Variants in RANBP2 observed in about 807,000 individuals in gnomAD.
RANBP2 encodes RAN binding protein 2, also known as E3 SUMO-protein ligase RanBP2.
Under a neutral mutation model 303.6 loss-of-function variants are expected in RANBP2, and 57 were observed. The ratio of observed to expected loss-of-function variants is 0.19; its 90% CI spans 0.15 to 0.23. RANBP2 has a LOEUF of 0.23. Ranked by LOEUF, RANBP2 falls within the 10% of genes least tolerant of loss-of-function variation. The pLI is 1.00. For synonymous variants in RANBP2, 1,167 were observed against 1,301.5 expected (o/e 0.90, Z 2.23); for missense variants, 3,138 against 3,780.8 (o/e 0.83, Z 4.46).
intron 23 of RANBP2, 142 bp downstream of exon 23, chr2:108,773,188 G>GC: frequency 1.2e-6 from 1 of 834,876 alleles, no homozygotes; most frequent in Non-Finnish European, 1.9e-6. Flanking sequence ...CATGCTCGTG[G>GC]CTCAATGCAG....
At chr2:108,791,498 A>G in the RANBP2 span, 4 of 676,266 alleles carry the variant, frequency 5.9e-6, no homozygotes, top group South Asian at 1.5e-5. Context: ...TGGGTTATCA[A>G]TGATCAGTGA....
chr2:109,107,539 A>G, the RANBP2 span, among the ~76,000 whole-genome samples: 1 of 151,960 alleles, frequency 6.6e-6, no homozygotes, highest in Non-Finnish European at 1.5e-5. Context: ...AATCAAGTCT[A>G]CTTTCCTCTC....
chr2:108,834,288 C>T, the RANBP2 span, among the ~76,000 whole-genome samples: 1 of 151,136 alleles, frequency 6.6e-6, no homozygotes, highest in African/African-American at 2.4e-5. Context: ...TCTCGGCTCA[C>T]TGCAACCTCT....
the RANBP2 span, among the ~76,000 whole-genome samples, chr2:109,497,870 T>A: frequency 6.6e-6 from 1 of 152,254 alleles, no homozygotes; most frequent in African/African-American, 2.4e-5. Context: ...AAACTTGCAT[T>A]CAAAGTCTGA....
the RANBP2 span, among the ~76,000 whole-genome samples, chr2:108,868,888 G>A: frequency 6.6e-6 from 1 of 151,996 alleles, no homozygotes; most frequent in Admixed American, 6.6e-5. Context: ...TCCATGAAGT[G>A]CCTACCTTTT....
the RANBP2 span, chr2:109,667,412 G>C: frequency 2.5e-6 from 1 of 405,762 alleles, no homozygotes; most frequent in Non-Finnish European, 4.5e-6. Context: ...AGTTATTCAC[G>C]GCACTAGAAC....
chr2:109,595,710 G>C, the RANBP2 span, among the ~76,000 whole-genome samples: 1 of 152,234 alleles, frequency 6.6e-6, no homozygotes, highest in Non-Finnish European at 1.5e-5. Flanking sequence ...TACAGTAAGT[G>C]TAAGAATTTG....
At chr2:108,824,767 T>G in the RANBP2 span, among the ~76,000 whole-genome samples, 1 of 152,330 alleles carries the variant, frequency 6.6e-6, no homozygotes, top group Middle Eastern at 3.4e-3. Context: ...CACAGTAGTT[T>G]TTTTTTTACA....
At chr2:109,011,557 C>T in the RANBP2 span, among the ~76,000 whole-genome samples, 3,694 of 152,130 alleles carry the variant, frequency 0.024, 186 homozygotes, top group African/African-American at 0.083. Context: ...TTGTGTTGGG[C>T]GCTCAGTGGG....
At chr2:109,112,086 T>G in the RANBP2 span, among the ~76,000 whole-genome samples, 2 of 151,872 alleles carry the variant, frequency 1.3e-5, no homozygotes, top group Non-Finnish European at 2.9e-5. Flanking sequence ...AGTGCCGCAA[T>G]AAACATACGT....
chr2:109,483,265 G>A, the RANBP2 span, among the ~76,000 whole-genome samples: 4 of 152,286 alleles, frequency 2.6e-5, no homozygotes, highest in South Asian at 2.1e-4. Flanking sequence ...CTTGCAACCC[G>A]AGAGCCAGAC....
chr2:109,008,669 G>A, the RANBP2 span, among the ~76,000 whole-genome samples: 4 of 151,480 alleles, frequency 2.6e-5, no homozygotes, highest in South Asian at 6.3e-4. Flanking sequence ...TTGAGAGGCC[G>A]AGATGGGCGG....
chr2:108,723,416 A>G (rs4012083), intron 1 of RANBP2, among the ~76,000 whole-genome samples: 55 of 151,728 alleles, frequency 3.6e-4, no homozygotes, highest in South Asian at 6.3e-4. Flanking sequence ...CTGGGACTAC[A>G]GGCACCCGCC....
At chr2:109,613,797 C>T in the RANBP2 span, 4 of 1,231,854 alleles carry the variant, frequency 3.2e-6, no homozygotes. Context: ...GCGGGACTCA[C>T]CAGGTGCCGC....
the RANBP2 span, among the ~76,000 whole-genome samples, chr2:109,440,666 G>A: frequency 2.6e-5 from 4 of 152,144 alleles, no homozygotes; most frequent in African/African-American, 9.7e-5. Flanking sequence ...GCAGGCAGTG[G>A]CAAAAGGAGG....
the RANBP2 span, among the ~76,000 whole-genome samples, chr2:109,323,422 G>A: frequency 6.6e-6 from 1 of 152,234 alleles, no homozygotes; most frequent in Non-Finnish European, 1.5e-5. Flanking sequence ...ACACACATAT[G>A]CACATACTAT....
the RANBP2 span, among the ~76,000 whole-genome samples, chr2:109,497,509 T>G: frequency 6.6e-6 from 1 of 152,242 alleles, no homozygotes; most frequent in East Asian, 1.9e-4. Context: ...TAGCTGTGGT[T>G]GCCATAACCT....
the RANBP2 span, among the ~76,000 whole-genome samples, chr2:109,349,310 C>T: frequency 6.6e-6 from 1 of 152,314 alleles, no homozygotes; most frequent in East Asian, 1.9e-4. Flanking sequence ...TTCAGGGATT[C>T]AACTCCTTCT....
the RANBP2 span, among the ~76,000 whole-genome samples, chr2:109,161,575 A>G: frequency 6.6e-6 from 1 of 151,714 alleles, no homozygotes; most frequent in South Asian, 2.1e-4. Context: ...TTAATAAAGA[A>G]AAAAAAGGTT....
Sources: allele counts gnomAD v4.1 joint callset (sites outside exome capture counted in the v4.1 genomes callset), GRCh38; gene constraint gnomAD v4.1.1; transcripts MANE v1.5; gene names NCBI Gene and HGNC (gene_info 2026-07-23, HGNC 2026-07-21).